The following OGT variants were observed in gnomAD, a reference collection of about 807,000 sequenced individuals.
The protein encoded by OGT is UDP-N-acetylglucosamine--peptide N-acetylglucosaminyltransferase 110 kDa subunit.
OGT carries 3 observed loss-of-function variants against 75.8 expected under a neutral mutation model. The ratio of observed to expected loss-of-function variants is 0.04; its 90% CI spans 0.02 to 0.10. OGT has a LOEUF of 0.10. Ranked by LOEUF, OGT falls within the 10% of genes least tolerant of loss-of-function variation. The pLI is 1.00. For missense variants in OGT, 260 were observed against 824.4 expected, an observed-to-expected ratio of 0.32 and a Z score of 8.38; for synonymous variants, 257 against 289.7, an observed-to-expected ratio of 0.89 and a Z score of 1.15.
chrX:71,568,940 T>A (rs961701437), intron 21 of OGT, among the ~76,000 whole-genome samples: 1 of 111,946 alleles, frequency 8.9e-6, no homozygotes, highest in African/African-American at 3.2e-5. Context: ...ATAAAAAGAT[T>A]TTTTGTATCA....
At chrX:71,570,055 TTTTTG>T (rs2040445941) in intron 21 of OGT, among the ~76,000 whole-genome samples, 1 of 86,492 alleles carries the variant, frequency 1.2e-5, no homozygotes, top group African/African-American at 4.4e-5. Flanking sequence ...TTTTTTTTTT[TTTTTG>T]GAGACAGCCT....
chrX:71,560,513 CTT>C (rs1326946980), intron 14 of OGT, among the ~76,000 whole-genome samples: 1 of 110,786 alleles, frequency 9.0e-6, no homozygotes, highest in Admixed American at 9.6e-5. Flanking sequence ...ATAATATACT[CTT>C]TATATGTGTG....
At chrX:71,560,889 A>G (rs1214923275) in intron 14 of OGT, among the ~76,000 whole-genome samples, 2 of 110,106 alleles carry the variant, frequency 1.8e-5, no homozygotes, top group Non-Finnish European at 3.8e-5. Flanking sequence ...CTCACCATTC[A>G]ACATCTTGTA....
intron 4 of OGT, chrX:71,547,444 CCT>C: frequency 1.4e-6 from 1 of 739,427 alleles, no homozygotes; most frequent in South Asian, 6.9e-5. Flanking sequence ...ATCATGAACT[CCT>C]TTTTTTTTCA....
intron 3 of OGT, among the ~76,000 whole-genome samples, chrX:71,542,482 A>T (rs2040226210): frequency 8.9e-6 from 1 of 112,280 alleles, no homozygotes; most frequent in African/African-American, 3.2e-5. Context: ...GATATAGTAT[A>T]CTGTAATGGA....
chrX:71,546,643 G>GT (rs2040260855), intron 4 of OGT: 1 of 721,326 alleles, frequency 1.4e-6, no homozygotes, highest in African/African-American at 2.3e-5. Context: ...TCAAAGATAA[G>GT]TAAAAGTTAA....
chrX:71,563,406 T>A lies in OGT; in HGVS notation c.2343T>A (p.Thr781=). 2.5e-6 allele frequency: 3 copies of A among 1,202,979 alleles called. No individual in the cohort carries two copies. The highest frequency in any genetic ancestry group is 3.4e-6 in the Non-Finnish European group (3 of 887,419). ...ALNMPVIPMN[T]IAEAVIEMIN... ...ATATGCCTGTTATTCCTATGAATACTATTGCAGAAGCAGTTATTGAAATGA... is the reference window on the plus strand; with the variant it reads ...ATATGCCTGTTATTCCTATGAATACAATTGCAGAAGCAGTTATTGAAATGA... Residue 781 remains threonine (T), a synonymous_variant, in exon 18 of 22, where the codon ACT becomes ACA. Transcript: ENST00000373719.
chrX:71,544,889 C>T (rs994722393), intron 4 of OGT: 3 of 338,388 alleles, frequency 8.9e-6, no homozygotes, highest in African/African-American at 2.6e-5. Context: ...CACTGGGCTC[C>T]GTCATGATCT....
intron 9 of OGT, 51 bp downstream of exon 9, chrX:71,556,831 G>A (rs1602148267): frequency 3.8e-6 from 4 of 1,044,483 alleles, no homozygotes; most frequent in East Asian, 6.5e-5. Flanking sequence ...ATTTTAAAAT[G>A]TTTGACATTC....
At chrX:71,540,750 G>A (rs1421686895) in intron 3 of OGT, among the ~76,000 whole-genome samples, 1 of 106,645 alleles carries the variant, frequency 9.4e-6, no homozygotes, top group Non-Finnish European at 1.9e-5. Context: ...TCGGCTCACT[G>A]CAACCTCTGC....
chrX:71,559,240 C>T (rs2040366259), intron 12 of OGT, 27 bp from the exon 13 acceptor site: 1 of 1,187,297 alleles, frequency 8.4e-7, no homozygotes, highest in African/African-American at 1.8e-5. Flanking sequence ...GTAGATTTTA[C>T]TAACAAGCAT....
Position 71,575,644 on chromosome X carries a change from G to A in OGT, c.*1850G>A, listed in dbSNP as rs752989240. 1 of 112,571 alleles carries A rather than the reference G, an allele frequency of 8.9e-6. No homozygotes were observed. Among genetic ancestry groups the A allele is most frequent in the African/African-American group, 3.2e-5 (1 of 30,991 alleles). 9.3% of individuals were successfully genotyped at this position (112,571 alleles called of 1,213,427 possible). A position where few individuals can be genotyped will look rare whatever the true frequency, so the allele number is the denominator to read the frequency against. On this transcript the variant is annotated 3_prime_UTR_variant, in exon 22 of 22. Coordinates refer to ENST00000373719, the MANE Select transcript of OGT (RefSeq NM_181672.3). ...TACATAGCACATCATTCCTCCTATA[G>A]GGATGAACTTTTTCCTGGCACGAAA...
intron 4 of OGT, chrX:71,547,340 A>G: frequency 1.4e-6 from 1 of 709,868 alleles, no homozygotes; most frequent in Non-Finnish European, 1.7e-6. Context: ...CAATGAAAGA[A>G]GAGTTCCATG....
intron 11 of OGT, 34 bp from the exon 12 acceptor site, chrX:71,557,459 T>A: frequency 8.4e-7 from 1 of 1,184,367 alleles, no homozygotes; most frequent in Admixed American, 2.3e-5. Context: ...GGGATAGGAC[T>A]TTCTGGATAA....
intron 5 of OGT, among the ~76,000 whole-genome samples, chrX:71,549,192 G>A (rs2040283419): frequency 9.5e-6 from 1 of 105,702 alleles, no homozygotes; most frequent in Admixed American, 1.0e-4. Flanking sequence ...GCCATTTGTA[G>A]GGCTGAGGTG....
chrX:71,536,487 G>A, intron 2 of OGT, 129 bp downstream of exon 2: 1 of 480,587 alleles, frequency 2.1e-6, no homozygotes, highest in Non-Finnish European at 3.2e-6. Flanking sequence ...ACGCACATCT[G>A]CTCTCTTGCC....
intron 4 of OGT, chrX:71,547,272 A>G: frequency 6.6e-6 from 5 of 752,993 alleles, no homozygotes; most frequent in South Asian, 6.7e-5. Flanking sequence ...TTAGTGAGGA[A>G]CATTGTTGAA....
At chrX:71,535,603 TAAAG>T (rs964106585) in intron 1 of OGT, among the ~76,000 whole-genome samples, 1 of 111,965 alleles carries the variant, frequency 8.9e-6, no homozygotes, top group African/African-American at 3.2e-5. Context: ...CTTGTCCTTT[TAAAG>T]AATTAAATTC....
chrX:71,549,349 A>G (rs1179997484), intron 5 of OGT, among the ~76,000 whole-genome samples: 1 of 108,382 alleles, frequency 9.2e-6, no homozygotes, highest in East Asian at 2.9e-4. Context: ...ATGTTCACTA[A>G]GTGTTACAGA....
Sources: allele counts gnomAD v4.1 joint callset (sites outside exome capture counted in the v4.1 genomes callset), GRCh38; gene constraint gnomAD v4.1.1; transcripts MANE v1.5; gene names NCBI Gene and HGNC (gene_info 2026-07-23, HGNC 2026-07-21).